Variants in ATG7 observed in about 807,000 individuals in gnomAD.
The protein encoded by ATG7 is ubiquitin-like modifier-activating enzyme ATG7.
In ATG7, 70 loss-of-function variants were observed where a neutral mutation model predicts 82.4. The observed-to-expected ratio is 0.85, with a 90% confidence interval of 0.70 to 1.04. The LOEUF is 1.04. ATG7 is among the 50% of genes least tolerant of loss of function. ATG7 has a pLI of 0.00. For synonymous variants in ATG7, 287 were observed against 313.0 expected, an observed-to-expected ratio of 0.92 and a Z score of 0.88; for missense variants, 792 against 864.3, an observed-to-expected ratio of 0.92 and a Z score of 1.05.
intron 3 of ATG7, among the ~76,000 whole-genome samples, chr3:11,287,858 A>G (rs1490782563): frequency 6.6e-6 from 1 of 152,266 alleles, no homozygotes; most frequent in Non-Finnish European, 1.5e-5. Flanking sequence ...TCTTCCTCAA[A>G]ACAAAATATA....
At chr3:11,509,543 T>C (rs921114376) in intron 20 of ATG7, among the ~76,000 whole-genome samples, 2 of 152,162 alleles carry the variant, frequency 1.3e-5, no homozygotes, top group African/African-American at 4.8e-5. Flanking sequence ...TGAGCGTTTA[T>C]AATGGCCTTT....
chr3:11,483,829 T>C (rs1016429134), intron 20 of ATG7, among the ~76,000 whole-genome samples: 1 of 152,142 alleles, frequency 6.6e-6, no homozygotes, highest in African/African-American at 2.4e-5. Context: ...TTAAAGAACA[T>C]CTTATTGGCA....
intron 19 of ATG7, among the ~76,000 whole-genome samples, chr3:11,420,862 TCTC>T (rs1307949028): frequency 6.6e-6 from 1 of 151,704 alleles, no homozygotes; most frequent in Admixed American, 6.6e-5. Context: ...TTCATGCCAT[TCTC>T]CTGCCTCAGC....
chr3:11,504,675 G>A (rs2091581575), intron 20 of ATG7, among the ~76,000 whole-genome samples: 1 of 152,192 alleles, frequency 6.6e-6, no homozygotes, highest in Non-Finnish European at 1.5e-5. Flanking sequence ...CAGAGAGTTT[G>A]CGATTAAATT....
intron 19 of ATG7, among the ~76,000 whole-genome samples, chr3:11,401,780 C>T (rs569155644): frequency 6.6e-6 from 1 of 152,302 alleles, no homozygotes; most frequent in South Asian, 2.1e-4. Flanking sequence ...GGCCTACAGA[C>T]TATAAGCTCT....
intron 20 of ATG7, among the ~76,000 whole-genome samples, chr3:11,469,455 A>G (rs1156553228): frequency 6.6e-6 from 1 of 152,140 alleles, no homozygotes; most frequent in Admixed American, 6.5e-5. Flanking sequence ...ACCTCAAAAA[A>G]AAAAAAGTAA....
intron 20 of ATG7, among the ~76,000 whole-genome samples, chr3:11,501,851 G>T (rs527868699): frequency 6.6e-6 from 1 of 151,978 alleles, no homozygotes. Flanking sequence ...CACCACATCC[G>T]GCTAATTTTT....
At position 11,451,834 on chromosome 3, in the gene ATG7, TC is replaced by T. The variant is rs1293823816; in HGVS notation, c.2079+24909del. ...AAAACCCCAGGCTGCCCTGTCTCTC[TC>T]TATCTCTCTCTCTATATATATATAC... On this transcript the variant is annotated intron_variant, in intron 20 of 20. Coordinates refer to ENST00000693202, the MANE Select transcript of ATG7 (RefSeq NM_001349232.2). Among the ~76,000 whole-genome samples, 612 of 147,302 alleles carry T rather than the reference TC, an allele frequency of 4.2e-3. 8 individuals carry two copies. The highest frequency in any genetic ancestry group is 0.015 in the African/African-American group (586 of 39,876).
chr3:11,455,959 T>G (rs911922987), intron 20 of ATG7, among the ~76,000 whole-genome samples: 3 of 152,256 alleles, frequency 2.0e-5, no homozygotes, highest in Non-Finnish European at 4.4e-5. Flanking sequence ...TCTATATTCT[T>G]GTTTTGTTGT....
intron 20 of ATG7, among the ~76,000 whole-genome samples, chr3:11,525,627 T>C (rs1196553851): frequency 6.6e-6 from 1 of 150,628 alleles, no homozygotes; most frequent in Non-Finnish European, 1.5e-5. Flanking sequence ...TGATCTCGGC[T>C]CACTGTAAGC....
intron 3 of ATG7, among the ~76,000 whole-genome samples, chr3:11,297,117 G>A (rs1046478165): frequency 1.3e-5 from 2 of 152,114 alleles, no homozygotes; most frequent in East Asian, 3.9e-4. Flanking sequence ...CAGCACTTTG[G>A]GAGACCAGGG....
chr3:11,330,653 T>C (rs552583937), intron 9 of ATG7, among the ~76,000 whole-genome samples: 9 of 152,312 alleles, frequency 5.9e-5, no homozygotes, highest in South Asian at 4.1e-4. Flanking sequence ...AGTCAGTATC[T>C]GGGTGCTGGG....
the ATG7 span, chr3:11,569,012 T>C: frequency 2.1e-6 from 2 of 958,208 alleles, no homozygotes; most frequent in Admixed American, 1.0e-4. Context: ...GACAGAGCTT[T>C]CTGAGTACTG....
At chr3:11,532,927 C>A (rs1443435733) in intron 20 of ATG7, among the ~76,000 whole-genome samples, 1 of 152,190 alleles carries the variant, frequency 6.6e-6, no homozygotes, top group African/African-American at 2.4e-5. Context: ...TATCTTTGCA[C>A]CACCCCAGCC....
chr3:11,425,969 A>G (rs995212726), intron 19 of ATG7, among the ~76,000 whole-genome samples: 1 of 152,222 alleles, frequency 6.6e-6, no homozygotes, highest in Non-Finnish European at 1.5e-5. Context: ...ACTGATATAT[A>G]GTATTCCATT....
chr3:11,539,728 A>G (rs76439720), intron 20 of ATG7, among the ~76,000 whole-genome samples: 2 of 152,240 alleles, frequency 1.3e-5, no homozygotes, highest in African/African-American at 4.8e-5. Context: ...TAAAAAATAA[A>G]ATCTATTGAT....
intron 19 of ATG7, among the ~76,000 whole-genome samples, chr3:11,386,766 A>G (rs1470949297): frequency 6.6e-6 from 1 of 152,182 alleles, no homozygotes; most frequent in Non-Finnish European, 1.5e-5. Flanking sequence ...TTCCATATGT[A>G]TGATTGTGTG....
the ATG7 span, among the ~76,000 whole-genome samples, chr3:11,574,746 C>T: frequency 2.1e-4 from 31 of 149,986 alleles, no homozygotes; most frequent in African/African-American, 7.4e-4. Context: ...TCACTATGTA[C>T]CCCATGAATA....
chr3:11,375,747 A>G (rs1458445869), intron 18 of ATG7, among the ~76,000 whole-genome samples: 1 of 152,166 alleles, frequency 6.6e-6, no homozygotes. Context: ...TTTACTAGAG[A>G]TGGGGTTTCA....
Sources: gnomAD v4.1 joint callset for allele counts (sites outside exome capture counted in the v4.1 genomes callset) on GRCh38, gnomAD v4.1.1 for gene constraint, MANE v1.5 for transcripts, NCBI Gene and HGNC (gene_info 2026-07-23, HGNC 2026-07-21) for gene names.